The following SLC39A14 variants were observed in gnomAD, a reference collection of about 807,000 sequenced individuals.
SLC39A14 encodes the protein solute carrier family 39 member 14.
A neutral mutation model predicts 45.5 loss-of-function variants in SLC39A14; 19 were observed. That is an observed-to-expected ratio of 0.42 (90% CI 0.29 to 0.61). SLC39A14 has a LOEUF of 0.61. SLC39A14 is among the 20% of genes least tolerant of loss of function. The pLI, the probability that SLC39A14 is intolerant of heterozygous loss-of-function variation, is 0.22. For synonymous variants in SLC39A14, 264 were observed against 251.3 expected (o/e 1.05, Z -0.48); for missense variants, 447 against 616.5 (o/e 0.73, Z 2.91).
intron 1 of SLC39A14, among the ~76,000 whole-genome samples, chr8:22,369,374 G>C (rs949114665): frequency 1.3e-5 from 2 of 152,204 alleles, no homozygotes; most frequent in South Asian, 2.1e-4. Context: ...GGACTTGGGG[G>C]CTGGAGCAGC....
intron 1 of SLC39A14, chr8:22,398,346 C>T (rs4872484): frequency 0.32 from 48,234 of 152,326 alleles, 8,172 homozygotes; most frequent in East Asian, 0.57. Context: ...CCTGTGCACC[C>T]ACACAGCCTG....
Position 22,391,357 on chromosome 8 carries a change from T to C in SLC39A14, c.-15-13339T>C, listed in dbSNP as rs199859668. 4.6e-5 allele frequency among the ~76,000 whole-genome samples: 7 copies of C among 152,328 alleles called. No homozygotes were observed. The East Asian group carries it at 1.2e-3, about 25-fold the overall frequency. Reference sequence around the variant, plus strand: ...AAGCAGTGAGTATTTGTTGAATGGATAAACTCTTGGAGTGAGTTTTTAAAG... The same window carrying C: ...AAGCAGTGAGTATTTGTTGAATGGACAAACTCTTGGAGTGAGTTTTTAAAG... On this transcript the variant is annotated intron_variant, in intron 1 of 8. Coordinates refer to ENST00000381237, the MANE Select transcript of SLC39A14 (RefSeq NM_001128431.4).
Position 22,417,679 on chromosome 8 carries a change from G to A in SLC39A14, c.1176G>A (p.Gly392=), listed in dbSNP as rs1215021687. The change falls in exon 8 of 9, where the codon GGG becomes GGA. Residue 392 remains glycine (G), a synonymous_variant. Coordinates refer to ENST00000381237, the MANE Select transcript of SLC39A14 (RefSeq NM_001128431.4). ...ACTTTGTCATCCTGCTCAACGCTGG[G>A]ATGAGCATCCAACAAGCTCTCTTCT... ...LGDFVILLNA[G]MSIQQALFFN... is the part of the protein sequence containing the mutation. 3 of 1,614,046 alleles carry A rather than the reference G, an allele frequency of 1.9e-6. No homozygotes were observed. Among genetic ancestry groups the A allele is most frequent in the East Asian group, 2.2e-5 (1 of 44,862 alleles).
downstream of SLC39A14, among the ~76,000 whole-genome samples, chr8:22,423,887 G>C (rs537778976): frequency 6.6e-6 from 1 of 151,108 alleles, no homozygotes; most frequent in African/African-American, 2.4e-5. Context: ...GAGAGAGTGA[G>C]CTTGAACTCC....
At chr8:22,372,945 G>A (rs940111172) in intron 1 of SLC39A14, among the ~76,000 whole-genome samples, 1 of 151,714 alleles carries the variant, frequency 6.6e-6, no homozygotes, top group Admixed American at 6.6e-5. Flanking sequence ...GCAAAAATAA[G>A]GCGATTACAC....
chr8:22,397,756 T>TCC (rs1210479226), intron 1 of SLC39A14, among the ~76,000 whole-genome samples: 1 of 152,200 alleles, frequency 6.6e-6, no homozygotes, highest in Non-Finnish European at 1.5e-5. Context: ...GAGCCATGGT[T>TCC]ATCTGCTAGC....
chr8:22,413,197 G>A (rs1055170614), intron 4 of SLC39A14, among the ~76,000 whole-genome samples: 7 of 152,262 alleles, frequency 4.6e-5, no homozygotes, highest in East Asian at 1.9e-4. Flanking sequence ...GGGTGGTCTC[G>A]CAGGCCTGGA....
chr8:22,374,693 G>A (rs1563476904), intron 1 of SLC39A14, among the ~76,000 whole-genome samples: 1 of 151,152 alleles, frequency 6.6e-6, no homozygotes, highest in Non-Finnish European at 1.5e-5. Context: ...CCATATCAGA[G>A]ACTTGCCAGC....
chr8:22,383,675 C>T (rs982858322), intron 1 of SLC39A14, among the ~76,000 whole-genome samples: 2 of 152,174 alleles, frequency 1.3e-5, no homozygotes, highest in Admixed American at 1.3e-4. Context: ...TACCAGGAAA[C>T]AGAGATGACA....
intron 5 of SLC39A14, 173 bp from the exon 6 acceptor site, chr8:22,415,596 A>T: frequency 1.7e-6 from 1 of 605,178 alleles, no homozygotes; most frequent in Non-Finnish European, 2.8e-6. Context: ...GTGCCCGACC[A>T]TGGCTTTATA....
chr8:22,413,528 A>G (rs1483208427), intron 4 of SLC39A14, among the ~76,000 whole-genome samples: 2 of 152,192 alleles, frequency 1.3e-5, no homozygotes, highest in East Asian at 1.9e-4. Context: ...TGGAAAGTCA[A>G]CATGAAAGTG....
At chr8:22,411,459 G>A (rs1835561395) in intron 3 of SLC39A14, among the ~76,000 whole-genome samples, 1 of 152,236 alleles carries the variant, frequency 6.6e-6, no homozygotes, top group Non-Finnish European at 1.5e-5. Flanking sequence ...CATCCCTTCT[G>A]CCCTGCACAT....
downstream of SLC39A14, among the ~76,000 whole-genome samples, chr8:22,426,858 G>GT (rs1179717343): frequency 1.6e-4 from 24 of 151,896 alleles, no homozygotes; most frequent in Non-Finnish European, 3.2e-4. Context: ...TAATTTTTGT[G>GT]TTTTTAGTAG....
At chr8:22,383,987 A>AG (rs1427467663) in intron 1 of SLC39A14, among the ~76,000 whole-genome samples, 1 of 152,096 alleles carries the variant, frequency 6.6e-6, no homozygotes, top group Non-Finnish European at 1.5e-5. Context: ...GCCAGCTCTC[A>AG]GAACAGAAAT....
At chr8:22,431,384 T>A (rs1836464946) in intron 8 of SLC39A14, among the ~76,000 whole-genome samples, 1 of 152,238 alleles carries the variant, frequency 6.6e-6, no homozygotes, top group African/African-American at 2.4e-5. Flanking sequence ...CTATGGTTTT[T>A]AAAATATTCT....
At chr8:22,383,466 G>A (rs983624124) in intron 1 of SLC39A14, among the ~76,000 whole-genome samples, 3 of 152,196 alleles carry the variant, frequency 2.0e-5, no homozygotes, top group Non-Finnish European at 4.4e-5. Flanking sequence ...CAAGTGGGGT[G>A]GGGTATGGGG....
intron 8 of SLC39A14, among the ~76,000 whole-genome samples, chr8:22,431,848 C>T (rs1165729877): frequency 6.6e-6 from 1 of 152,176 alleles, no homozygotes; most frequent in African/African-American, 2.4e-5. Context: ...CTAAAAACAC[C>T]ACCACACAAG....
At chr8:22,426,263 A>G (rs1836385817), downstream of SLC39A14, among the ~76,000 whole-genome samples, 1 of 151,968 alleles carries the variant, frequency 6.6e-6, no homozygotes, top group Non-Finnish European at 1.5e-5. Context: ...TTTCTCGATC[A>G]TGGCTCGCTG....
intron 1 of SLC39A14, among the ~76,000 whole-genome samples, chr8:22,382,561 C>A (rs975614609): frequency 2.0e-5 from 3 of 152,180 alleles, no homozygotes; most frequent in African/African-American, 7.2e-5. Flanking sequence ...GCCTGTAGTC[C>A]TAGCTACTTG....
Sources: gnomAD v4.1 joint callset for allele counts (sites outside exome capture counted in the v4.1 genomes callset) on GRCh38, gnomAD v4.1.1 for gene constraint, MANE v1.5 for transcripts, NCBI Gene and HGNC (gene_info 2026-07-23, HGNC 2026-07-21) for gene names.